MARCHF1: variants seen among roughly 807,000 people sequenced by gnomAD.
MARCHF1 encodes membrane associated ring-CH-type finger 1.
In MARCHF1, 40 loss-of-function variants were observed where a neutral mutation model predicts 54.2. The ratio of observed to expected loss-of-function variants is 0.74; its 90% CI spans 0.57 to 0.96. MARCHF1 has a LOEUF of 0.96. Ranked by LOEUF, MARCHF1 falls within the 40% of genes least tolerant of loss-of-function variation. The pLI is 0.00. For missense variants in MARCHF1, 586 were observed against 656.5 expected (o/e 0.89, Z 1.17); for synonymous variants, 236 against 236.3 (o/e 1.00, Z 0.01).
chr4:163,714,104 G>A (rs893231334), intron 4 of MARCHF1, among the ~76,000 whole-genome samples: 9 of 152,024 alleles, frequency 5.9e-5, no homozygotes, highest in African/African-American at 1.9e-4. Flanking sequence ...TCTTTCACTG[G>A]GTTTTTAATA....
intron 5 of MARCHF1, among the ~76,000 whole-genome samples, chr4:163,650,406 T>C (rs1429218706): frequency 6.6e-6 from 1 of 151,978 alleles, no homozygotes; most frequent in Non-Finnish European, 1.5e-5. Context: ...CTGTTTGAAT[T>C]CCTGCTCTGC....
chr4:164,134,287 C>T (rs1035259339), intron 1 of MARCHF1, among the ~76,000 whole-genome samples: 1 of 152,130 alleles, frequency 6.6e-6, no homozygotes, highest in Non-Finnish European at 1.5e-5. Context: ...TTTCTACAAT[C>T]CCAAGGGTTA....
At chr4:164,122,496 T>G (rs543515442) in intron 1 of MARCHF1, among the ~76,000 whole-genome samples, 1 of 151,978 alleles carries the variant, frequency 6.6e-6, no homozygotes, top group Non-Finnish European at 1.5e-5. Flanking sequence ...ATAATAAGAT[T>G]AGGGTGGGGA....
At chr4:163,646,082 T>G (rs1375282776) in intron 5 of MARCHF1, among the ~76,000 whole-genome samples, 1 of 152,064 alleles carries the variant, frequency 6.6e-6, no homozygotes, top group Non-Finnish European at 1.5e-5. Flanking sequence ...CATCTTGCAA[T>G]CAAACATCAA....
chr4:163,542,286 T>C (rs1028098889), intron 9 of MARCHF1, among the ~76,000 whole-genome samples: 1 of 152,208 alleles, frequency 6.6e-6, no homozygotes, highest in Non-Finnish European at 1.5e-5. Context: ...TCACACTTCA[T>C]CATTCCTTGT....
intron 1 of MARCHF1, among the ~76,000 whole-genome samples, chr4:164,321,952 C>A (rs1328265032): frequency 6.6e-6 from 1 of 151,908 alleles, no homozygotes; most frequent in Non-Finnish European, 1.5e-5. Flanking sequence ...TTCATTTAAT[C>A]CTCATGAGAA....
At chr4:164,323,971 G>C (rs1735209086) in intron 1 of MARCHF1, among the ~76,000 whole-genome samples, 1 of 151,794 alleles carries the variant, frequency 6.6e-6, no homozygotes, top group Admixed American at 6.6e-5. Flanking sequence ...AAATTCTTCA[G>C]TTGATTTTAG....
chr4:163,659,672 T>G (rs1743275372), intron 5 of MARCHF1, among the ~76,000 whole-genome samples: 1 of 151,408 alleles, frequency 6.6e-6, no homozygotes, highest in Non-Finnish European at 1.5e-5. Context: ...AGGTCTAATA[T>G]CCAGAGTCTA....
intron 1 of MARCHF1, among the ~76,000 whole-genome samples, chr4:164,293,412 G>T (rs1302128995): frequency 6.6e-6 from 1 of 152,144 alleles, no homozygotes; most frequent in Non-Finnish European, 1.5e-5. Flanking sequence ...AAATTAAGCT[G>T]TTTCTGTACA....
chr4:164,255,223 C>T (rs892632934), intron 1 of MARCHF1, among the ~76,000 whole-genome samples: 5 of 151,866 alleles, frequency 3.3e-5, no homozygotes, highest in Admixed American at 2.0e-4. Context: ...TAAATATCTC[C>T]GTTCTTGTAT....
chr4:164,178,095 AT>A (rs963403182), intron 1 of MARCHF1, among the ~76,000 whole-genome samples: 37 of 152,228 alleles, frequency 2.4e-4, no homozygotes, highest in Admixed American at 1.3e-4. Context: ...CTGAAAATGC[AT>A]CCTTGAACCC....
At chr4:164,022,525 C>T (rs181368013) in intron 2 of MARCHF1, among the ~76,000 whole-genome samples, 139 of 152,330 alleles carry the variant, frequency 9.1e-4, no homozygotes, top group African/African-American at 3.1e-3. Context: ...GAAGGATGGA[C>T]AGCCCATTCT....
chr4:164,226,846 G>A (rs1298345566), intron 1 of MARCHF1, among the ~76,000 whole-genome samples: 2 of 151,864 alleles, frequency 1.3e-5, no homozygotes, highest in Non-Finnish European at 2.9e-5. Flanking sequence ...CTGAATGAAA[G>A]TGTAACCAAA....
chr4:164,042,637 C>A lies in MARCHF1; in HGVS notation c.-247-53928G>T, dbSNP rs1441018963. ...TGAGCCTTCCAAAATCTCTTGTCCTCCTCACATTGCAAAATACAATTACCC... is the reference window on the plus strand; with the variant it reads ...TGAGCCTTCCAAAATCTCTTGTCCTACTCACATTGCAAAATACAATTACCC... On this transcript the variant is annotated intron_variant, in intron 2 of 9. Coordinates refer to ENST00000514618, the MANE Select transcript of MARCHF1 (RefSeq NM_001394959.1). Among the ~76,000 whole-genome samples the A allele has an allele frequency of 2.0e-5, 3 of 152,272 alleles. No individual in the cohort carries two copies. The East Asian group carries it at 5.8e-4, about 29-fold the overall frequency.
At chr4:163,666,848 A>G (rs1298185494) in intron 5 of MARCHF1, among the ~76,000 whole-genome samples, 2 of 152,274 alleles carry the variant, frequency 1.3e-5, no homozygotes, top group South Asian at 2.1e-4. Context: ...GTAAATAGAA[A>G]TGACACTAAA....
At chr4:164,195,426 G>A (rs1051265961) in intron 1 of MARCHF1, among the ~76,000 whole-genome samples, 3 of 152,064 alleles carry the variant, frequency 2.0e-5, no homozygotes, top group African/African-American at 7.2e-5. Flanking sequence ...CAAAGCTATT[G>A]GGTAAAATAT....
rs546777614 is a variant in MARCHF1 at position 164,101,040 on chromosome 4, C to T, written c.-248+10548G>A. On this transcript the variant is annotated intron_variant, in intron 2 of 9. Coordinates refer to ENST00000514618, the MANE Select transcript of MARCHF1 (RefSeq NM_001394959.1). ...AAATCAGGTCACTCCCACCCGAATA[C>T]TGCGCTTTTCCAATAGGCTTAAAAA... Among the ~76,000 whole-genome samples, 3 of 152,384 alleles carry T rather than the reference C, an allele frequency of 2.0e-5. No individual in the cohort carries two copies. In the South Asian group the frequency reaches 6.2e-4, roughly 32 times the overall value.
chr4:163,942,299 A>G (rs1751928146), intron 3 of MARCHF1, among the ~76,000 whole-genome samples: 1 of 152,164 alleles, frequency 6.6e-6, no homozygotes, highest in Non-Finnish European at 1.5e-5. Flanking sequence ...ATGGATTTCG[A>G]CTCTCTCCTT....
At position 163,585,861 on chromosome 4, in the gene MARCHF1, C is replaced by T. The variant is rs747281048; in HGVS notation, c.1079G>A (p.Arg360His). ...GTGGAGGCAGGACTGGTGGACAAAG[C>T]GCAGTGTCCCAGTGCAGCGACAGGG... is the stretch of plus-strand genomic sequence containing the variant. ...ITPCRCTGTL[R>H]FVHQSCLHQW... The change falls in exon 8 of 10, where the codon CGC (arginine) becomes CAC (histidine). Residue 360 changes from arginine (R) to histidine (H), a missense_variant. Coordinates refer to ENST00000514618, the MANE Select transcript of MARCHF1 (RefSeq NM_001394959.1). 10 of 1,613,810 alleles carry T rather than the reference C, an allele frequency of 6.2e-6. No individual in the cohort carries two copies. Among genetic ancestry groups the T allele is most frequent in the Admixed American group, 3.3e-5 (2 of 59,962 alleles).
Sources: gnomAD v4.1 joint callset for allele counts (sites outside exome capture counted in the v4.1 genomes callset) on GRCh38, gnomAD v4.1.1 for gene constraint, MANE v1.5 for transcripts, NCBI Gene and HGNC (gene_info 2026-07-23, HGNC 2026-07-21) for gene names.